SELP: variants seen among roughly 807,000 people sequenced by gnomAD.
SELP encodes the protein selectin P, also known as P-selectin.
Under a neutral mutation model 104.1 loss-of-function variants are expected in SELP, and 92 were observed. That is an observed-to-expected ratio of 0.88 (90% confidence interval 0.75 to 1.05). The LOEUF (loss-of-function observed/expected upper bound fraction) is 1.05, where lower values mean the gene tolerates loss of function less well. SELP is among the 50% of genes least tolerant of loss of function. The pLI, the probability that SELP is intolerant of heterozygous loss-of-function variation, is 0.00. For missense variants in SELP, 1,022 were observed against 1,017.3 expected (o/e 1.00, Z -0.06); for synonymous variants, 397 against 364.5 (o/e 1.09, Z -1.01).
In SELP at chr1:169,617,392, C is replaced by T. The variant is rs760708253; in HGVS notation, c.117G>A (p.Val39=). The T allele has an allele frequency of 2.5e-6, 4 of 1,613,948 alleles. No individual in the cohort carries two copies. The highest frequency in any genetic ancestry group is 2.5e-6 in the Non-Finnish European group (3 of 1,179,904). Residue 39 remains valine, a synonymous_variant, in exon 3 of 17, where the codon GTG becomes GTA. Coordinates refer to ENST00000263686, the MANE Select transcript of SELP (RefSeq NM_003005.4). ...LISELTNQKE[V]AAWTYHYSTK... ...TGCTGTAATGATAAGTCCATGCTGCCACTTCTTTCTGGTTTGTTAGTTCTA... is the reference window on the plus strand; with the variant it reads ...TGCTGTAATGATAAGTCCATGCTGCTACTTCTTTCTGGTTTGTTAGTTCTA...
Position 169,606,413 on chromosome 1 carries a change from G to C in SELP, c.1519+536C>G, listed in dbSNP as rs3917754. 8.0e-3 allele frequency among the ~76,000 whole-genome samples: 1,220 copies of C among 152,326 alleles called. 9 individuals carry two copies. The highest frequency in any genetic ancestry group is 0.02 in the Middle Eastern group (6 of 294). ...AGAATCCCGTAACCTCCAGTATACAGATTAGTTTTTCTCTTTTTTCTATCA... is the reference window on the plus strand; with the variant it reads ...AGAATCCCGTAACCTCCAGTATACACATTAGTTTTTCTCTTTTTTCTATCA... On this transcript the variant is annotated intron_variant, in intron 9 of 16. Coordinates refer to ENST00000263686, the MANE Select transcript of SELP (RefSeq NM_003005.4).
rs1269975438 is a variant in SELP, at chr1:169,612,238, C to A, written c.940G>T (p.Ala314Ser). The A allele has an allele frequency of 6.2e-7, 1 of 1,614,014 alleles. No homozygotes were observed. The highest frequency in any genetic ancestry group is 1.1e-5 in the South Asian group (1 of 91,070). Reference sequence around the variant, plus strand: ...TCACCTTTACACACTGGGGCTGGGGCTGTCCATACCCCCGAGGCTGTGCAT... The same window carrying A: ...TCACCTTTACACACTGGGGCTGGGGATGTCCATACCCCCGAGGCTGTGCAT... ...VQCTASGVWTAPAPVCKAVQC... is the reference protein window; with the variant it reads ...VQCTASGVWTSPAPVCKAVQC... Residue 314 changes from alanine (A) to serine (S), a missense_variant, in exon 6 of 17, where the codon GCC (alanine) becomes TCC (serine). Transcript: ENST00000263686.
At chr1:169,619,318 G>A in intron 1 of SELP, 99 bp from the exon 2 acceptor site, 1 of 877,402 alleles carries the variant, frequency 1.1e-6, no homozygotes, top group Non-Finnish European at 1.8e-6. Context: ...GTATAATTGT[G>A]CCAATTTCCA....
chr1:169,627,763 A>C (rs1663442985), intron 1 of SELP, among the ~76,000 whole-genome samples: 1 of 152,228 alleles, frequency 6.6e-6, no homozygotes. Flanking sequence ...CTAGCCCAGG[A>C]GAGTCTGAAC....
chr1:169,628,589 G>A (rs1018165985), intron 1 of SELP, among the ~76,000 whole-genome samples: 3 of 152,210 alleles, frequency 2.0e-5, no homozygotes, highest in Non-Finnish European at 4.4e-5. Flanking sequence ...CCACATGGAG[G>A]TCTGGGAACC....
At chr1:169,623,658 C>A (rs969798207) in intron 1 of SELP, among the ~76,000 whole-genome samples, 1 of 152,172 alleles carries the variant, frequency 6.6e-6, no homozygotes, top group Non-Finnish European at 1.5e-5. Flanking sequence ...CAGTGTGCAT[C>A]CCCTGCTTTA....
At position 169,612,506 on chromosome 1, in the gene SELP, G is replaced by A; in HGVS notation, c.776-104C>T. On this transcript the variant is annotated intron_variant, in intron 5 of 16. Coordinates refer to ENST00000263686, the MANE Select transcript of SELP (RefSeq NM_003005.4). The stretch of plus-strand genomic sequence containing the variant: ...GCAGTCACACCTTCCCAAAGTGGCA[G>A]GCAGGTTGATGCACTAGAATGGTTA... The A allele has an allele frequency of 2.7e-6, 3 of 1,100,352 alleles. No individual in the cohort carries two copies. The South Asian group carries it at 4.3e-5, about 16-fold the overall frequency. The allele number at this position is 1,100,352 out of a possible 1,614,324, so 68.2% of individuals were successfully genotyped here.
intron 15 of SELP, among the ~76,000 whole-genome samples, chr1:169,591,157 C>T (rs1021168959): frequency 6.6e-6 from 1 of 152,198 alleles, no homozygotes; most frequent in African/African-American, 2.4e-5. Context: ...AAGGTGCACG[C>T]TTCTGATGAC....
chr1:169,602,920 GTGT>G (rs1661977813), intron 10 of SELP, 103 bp downstream of exon 10: 1 of 843,392 alleles, frequency 1.2e-6, no homozygotes, highest in Admixed American at 2.6e-5. Flanking sequence ...GTTGTGGAGA[GTGT>G]TGTTTGCTTC....
chr1:169,611,534 T>C lies in SELP; in HGVS notation c.1105A>G (p.Ile369Val), dbSNP rs1269878370. Residue 369 changes from isoleucine to valine, a missense_variant, in exon 7 of 17, where the codon ATT becomes GTT. By Grantham distance (29) the Ile-to-Val change is conservative. Coordinates refer to ENST00000263686, the MANE Select transcript of SELP (RefSeq NM_003005.4). ...RVRGLDMLRC[I>V]DSGHWSAPLP... ...GGTGCAGACCAGTGTCCAGAGTCAATGCAGCGGAGCATGTCCAAGCCCCTC... is the reference window on the plus strand; with the variant it reads ...GGTGCAGACCAGTGTCCAGAGTCAACGCAGCGGAGCATGTCCAAGCCCCTC... 6.2e-7 allele frequency: 1 copy of C among 1,613,918 alleles called. No homozygotes were observed. Among genetic ancestry groups the C allele is most frequent in the Non-Finnish European group, 8.5e-7 (1 of 1,179,988 alleles).
chr1:169,608,926 A>G (rs1160425511), intron 8 of SELP, among the ~76,000 whole-genome samples: 5 of 152,198 alleles, frequency 3.3e-5, no homozygotes, highest in Non-Finnish European at 7.3e-5. Context: ...AAGATTAGAA[A>G]CCTAACATAT....
intron 9 of SELP, among the ~76,000 whole-genome samples, chr1:169,604,010 C>A (rs987536578): frequency 1.3e-5 from 2 of 152,172 alleles, no homozygotes; most frequent in African/African-American, 4.8e-5. Context: ...GTTCCAGATC[C>A]CTGAGGAATT....
chr1:169,592,843 A>G (rs1661414742), intron 14 of SELP, among the ~76,000 whole-genome samples: 1 of 152,196 alleles, frequency 6.6e-6, no homozygotes, highest in African/African-American at 2.4e-5. Flanking sequence ...TGCCTCCTCC[A>G]TAATCCCCTT....
chr1:169,607,239 G>C, intron 8 of SELP, 105 bp from the exon 9 acceptor site: 1 of 930,964 alleles, frequency 1.1e-6, no homozygotes, highest in Non-Finnish European at 1.5e-6. Context: ...TTCCTGAATT[G>C]GGCTTGTTTA....
chr1:169,600,989 G>A (rs756823560), intron 10 of SELP, among the ~76,000 whole-genome samples: 4 of 152,234 alleles, frequency 2.6e-5, no homozygotes, highest in African/African-American at 7.2e-5. Flanking sequence ...AGAAAGGGGG[G>A]CTGGAAAGTA....
chr1:169,621,977 C>A (rs2101926571), intron 1 of SELP, among the ~76,000 whole-genome samples: 1 of 152,322 alleles, frequency 6.6e-6, no homozygotes, highest in South Asian at 2.1e-4. Context: ...CCAAGGGGTT[C>A]ACAAGCAAAG....
chr1:169,591,582 G>C, intron 14 of SELP, 126 bp from the exon 15 acceptor site: 1 of 557,742 alleles, frequency 1.8e-6, no homozygotes. Flanking sequence ...CTCATTATAA[G>C]GGGAATATTG....
chr1:169,600,949 A>G (rs142447518), intron 10 of SELP, among the ~76,000 whole-genome samples: 1 of 152,328 alleles, frequency 6.6e-6, no homozygotes, highest in Non-Finnish European at 1.5e-5. Flanking sequence ...TGGGGCCTGC[A>G]AAGTGGGAGG....
At chr1:169,610,920 G>C (rs1173121630) in intron 7 of SELP, among the ~76,000 whole-genome samples, 1 of 152,210 alleles carries the variant, frequency 6.6e-6, no homozygotes, top group Non-Finnish European at 1.5e-5. Context: ...CTCATAGCTA[G>C]ATAGTAGCAG....
Sources: gnomAD v4.1 joint callset for allele counts (sites outside exome capture counted in the v4.1 genomes callset) on GRCh38, gnomAD v4.1.1 for gene constraint, MANE v1.5 for transcripts, NCBI Gene and HGNC (gene_info 2026-07-23, HGNC 2026-07-21) for gene names.